Variants in FAM13C observed in about 807,000 individuals in gnomAD.
The protein encoded by FAM13C is protein FAM13C.
A neutral mutation model predicts 73.2 loss-of-function variants in FAM13C; 37 were observed. That is an observed-to-expected ratio of 0.51 (90% CI 0.39 to 0.67). The LOEUF is 0.67. FAM13C is among the 30% of genes least tolerant of loss of function. The probability of loss-of-function intolerance (pLI) is 0.00; values close to 1 mark genes in which losing one functional copy is unlikely to be tolerated. For synonymous variants in FAM13C, 246 were observed against 260.9 expected (o/e 0.94, Z 0.55); for missense variants, 589 against 715.6 (o/e 0.82, Z 2.02).
intron 3 of FAM13C, among the ~76,000 whole-genome samples, chr10:59,340,848 A>G (rs1853400344): frequency 6.6e-6 from 1 of 151,812 alleles, no homozygotes; most frequent in Non-Finnish European, 1.5e-5. Context: ...TTACTTTTGC[A>G]CCAATGTAAT....
chr10:59,294,496 T>C (rs116163541), intron 5 of FAM13C, among the ~76,000 whole-genome samples: 1,640 of 152,118 alleles, frequency 0.011, 13 homozygotes, highest in Admixed American at 0.02. Context: ...CAAGGAAAAA[T>C]AGAGGCAGCT....
At chr10:59,344,367 C>G (rs527733740) in intron 3 of FAM13C, among the ~76,000 whole-genome samples, 25 of 151,462 alleles carry the variant, frequency 1.7e-4, no homozygotes, top group Non-Finnish European at 2.5e-4. Flanking sequence ...CAAGTTCCGC[C>G]CCCCAGGTTC....
chr10:59,351,408 G>A (rs1408009342), intron 3 of FAM13C, among the ~76,000 whole-genome samples: 1 of 150,184 alleles, frequency 6.7e-6, no homozygotes, highest in African/African-American at 2.4e-5. Context: ...TACAAAAAAA[G>A]TTTTAATTAA....
At chr10:59,252,014 C>G (rs2446716) in intron 12 of FAM13C, among the ~76,000 whole-genome samples, 149,808 of 152,292 alleles carry the variant, frequency 0.98, 73,727 homozygotes, top group Middle Eastern at 1. Flanking sequence ...AGCATTTGGT[C>G]ATAGACTGAA....
rs80302409 is a variant in FAM13C, at chr10:59,350,075, T to C, written c.324+2195A>G. Among the ~76,000 whole-genome samples, 886 of 152,310 alleles carry C rather than the reference T, an allele frequency of 5.8e-3. 11 individuals are homozygous for C. The highest frequency in any genetic ancestry group is 0.02 in the African/African-American group (846 of 41,572). On this transcript the variant is annotated intron_variant, in intron 3 of 13. Transcript: ENST00000618804. ...AATCTGTCTTCTTTTATCCCCAATA[T>C]AATTGGAAAATTCCATTATTCAACA...
intron 13 of FAM13C, among the ~76,000 whole-genome samples, chr10:59,249,889 G>C (rs527603748): frequency 4.2e-4 from 64 of 152,296 alleles, no homozygotes; most frequent in African/African-American, 1.5e-3. Context: ...TAACTTCCCT[G>C]TATGTATGAC....
intron 3 of FAM13C, among the ~76,000 whole-genome samples, chr10:59,344,447 T>TAAC (rs1333447070): frequency 2.8e-5 from 4 of 145,244 alleles, no homozygotes; most frequent in Non-Finnish European, 6.1e-5. Flanking sequence ...CACGGCTGAT[T>TAAC]TTTTTTTTTT....
intron 3 of FAM13C, among the ~76,000 whole-genome samples, chr10:59,346,051 T>C (rs1205243548): frequency 6.6e-6 from 1 of 152,238 alleles, no homozygotes; most frequent in Non-Finnish European, 1.5e-5. Context: ...AGGTTTATTT[T>C]AGCTTTCCAG....
At chr10:59,268,166 T>C (rs1420769352) in intron 8 of FAM13C, among the ~76,000 whole-genome samples, 1 of 151,374 alleles carries the variant, frequency 6.6e-6, no homozygotes, top group Non-Finnish European at 1.5e-5. Context: ...CTCCCTTGGA[T>C]CTTTAATAAG....
In FAM13C at chr10:59,306,544, A is replaced by C. The variant is rs368508022; in HGVS notation, c.444-3680T>G. Among the ~76,000 whole-genome samples the C allele has an allele frequency of 3.1e-4, 47 of 152,312 alleles. No homozygotes were observed. In the East Asian group the frequency reaches 7.9e-3, roughly 26 times the overall value. ...GAACACTGAGTCTTGAAGCCACTTC[A>C]GCAAATCAAGCATCAGGGCAAAAGG... On this transcript the variant is annotated intron_variant, in intron 4 of 13. Transcript: ENST00000618804.
At chr10:59,287,585 GA>G (rs1301242500) in intron 5 of FAM13C, among the ~76,000 whole-genome samples, 16 of 152,070 alleles carry the variant, frequency 1.1e-4, no homozygotes, top group Non-Finnish European at 2.9e-5. Context: ...GAACGAGAGG[GA>G]ATGTCAGCTT....
chr10:59,274,448 G>A (rs558614791), intron 6 of FAM13C, among the ~76,000 whole-genome samples: 4 of 152,214 alleles, frequency 2.6e-5, no homozygotes, highest in African/African-American at 9.6e-5. Flanking sequence ...TCTGCATTGG[G>A]GAGACTGACT....
chr10:59,361,230 C>G, intron 1 of FAM13C: 1 of 545,724 alleles, frequency 1.8e-6, no homozygotes, highest in Non-Finnish European at 2.9e-6. Context: ...TTTTAAGTGA[C>G]TCCACTTAAG....
At chr10:59,279,659 A>G (rs992843005) in intron 6 of FAM13C, among the ~76,000 whole-genome samples, 1 of 152,228 alleles carries the variant, frequency 6.6e-6, no homozygotes, top group East Asian at 1.9e-4. Flanking sequence ...AAGCAGTGGA[A>G]AAGACAATCC....
intron 2 of FAM13C, among the ~76,000 whole-genome samples, chr10:59,354,501 ATTAG>A (rs1387505083): frequency 6.6e-6 from 1 of 152,210 alleles, no homozygotes; most frequent in Non-Finnish European, 1.5e-5. Context: ...CCTCCCACTT[ATTAG>A]TTGTGTGGCC....
chr10:59,290,570 A>G (rs575501747), intron 5 of FAM13C, among the ~76,000 whole-genome samples: 1 of 151,800 alleles, frequency 6.6e-6, no homozygotes, highest in South Asian at 2.1e-4. Context: ...CTCAGACCCT[A>G]CTCAGCTCTA....
rs1020652257 is a variant in FAM13C at position 59,262,486 on chromosome 10, A to G, written c.1184T>C (p.Leu395Ser). The G allele has an allele frequency of 1.9e-6, 3 of 1,613,624 alleles. No homozygotes were observed. The highest frequency in any genetic ancestry group is 2.5e-6 in the Non-Finnish European group (3 of 1,179,770). The change falls in exon 10 of 14, where the codon TTG (leucine) becomes TCG (serine). Residue 395 changes from leucine (L) to serine (S), a missense_variant. Transcript: ENST00000618804. ...SSGEETPDAA[L>S]TCLKERREQL... ...CTCTCTTCTCTCCTTCAGGCATGTC[A>G]AGGCAGCATCTGGAGTCTCTTCTCC...
At chr10:59,257,364 GA>G (rs981671253) in intron 10 of FAM13C, among the ~76,000 whole-genome samples, 17 of 152,180 alleles carry the variant, frequency 1.1e-4, no homozygotes, top group Non-Finnish European at 2.9e-5. Flanking sequence ...GTCCTGGTCA[GA>G]AAGTTGTTTA....
At chr10:59,341,917 C>T (rs1199537849) in intron 3 of FAM13C, among the ~76,000 whole-genome samples, 1 of 152,152 alleles carries the variant, frequency 6.6e-6, no homozygotes, top group African/African-American at 2.4e-5. Flanking sequence ...TTATCCTCAC[C>T]TGTGACACTA....
Sources: allele counts gnomAD v4.1 joint callset (sites outside exome capture counted in the v4.1 genomes callset), GRCh38; gene constraint gnomAD v4.1.1; transcripts MANE v1.5; gene names NCBI Gene and HGNC (gene_info 2026-07-23, HGNC 2026-07-21).